The following GNA12 variants were observed in gnomAD, a reference collection of about 807,000 sequenced individuals.
GNA12 encodes G protein subunit alpha 12, also known as guanine nucleotide-binding protein subunit alpha-12.
A neutral mutation model predicts 26.0 loss-of-function variants in GNA12; 9 were observed. That is an observed-to-expected ratio of 0.35 (90% CI 0.21 to 0.60). The LOEUF is 0.60. Among genes scored for constraint, GNA12 ranks in the 20% least tolerant of loss-of-function variants. The probability of loss-of-function intolerance (pLI) is 0.78; values close to 1 mark genes in which losing one functional copy is unlikely to be tolerated. For synonymous variants in GNA12, 264 were observed against 219.6 expected (o/e 1.20, Z -1.79); for missense variants, 405 against 525.8 (o/e 0.77, Z 2.25).
intron 2 of GNA12, among the ~76,000 whole-genome samples, chr7:2,781,001 A>AT (rs1792214269): frequency 6.6e-6 from 1 of 152,252 alleles, no homozygotes; most frequent in East Asian, 1.9e-4. Context: ...GTCATCCCAC[A>AT]TCCTTGCCAA....
At chr7:2,738,605 T>C (rs1790334117) in intron 2 of GNA12, among the ~76,000 whole-genome samples, 1 of 151,792 alleles carries the variant, frequency 6.6e-6, no homozygotes. Flanking sequence ...CAGCAGCAGA[T>C]AAAAATGACT....
At chr7:2,781,343 C>A (rs1328571214) in intron 2 of GNA12, among the ~76,000 whole-genome samples, 1 of 152,036 alleles carries the variant, frequency 6.6e-6, no homozygotes, top group Non-Finnish European at 1.5e-5. Context: ...CACACACACA[C>A]ACACGCACAC....
At chr7:2,733,156 T>C (rs798527) in intron 3 of GNA12, among the ~76,000 whole-genome samples, 88,610 of 152,010 alleles carry the variant, frequency 0.58, 26,113 homozygotes, top group Admixed American at 0.63. Context: ...AGACTATTTG[T>C]TTTTGAGTAT....
intron 1 of GNA12, among the ~76,000 whole-genome samples, chr7:2,841,682 T>C (rs1418717077): frequency 6.6e-6 from 1 of 152,178 alleles, no homozygotes; most frequent in Non-Finnish European, 1.5e-5. Flanking sequence ...ATGAGAAGTA[T>C]GTCAAGTGCG....
In GNA12 at chr7:2,763,022, C is replaced by G. The variant is rs1583256664; in HGVS notation, c.526-29521G>C. The G allele has an allele frequency of 3.9e-6, 5 of 1,280,702 alleles. No individual in the cohort carries two copies. In the East Asian group the frequency reaches 1.2e-4, roughly 32 times the overall value. The allele number at this position is 1,280,702 out of a possible 1,614,324, so 79.3% of individuals were successfully genotyped here. A position where few individuals can be genotyped will look rare whatever the true frequency, so the allele number is the denominator to read the frequency against. ...TGGTCGCCAACAGCCCCGCCGGCCA[C>G]TGGCCCAGGACTCAGCGTGCCGTTC... On this transcript the variant is annotated intron_variant, in intron 2 of 3. Transcript: ENST00000275364.
At chr7:2,738,472 C>T (rs922948796) in intron 2 of GNA12, among the ~76,000 whole-genome samples, 1 of 152,176 alleles carries the variant, frequency 6.6e-6, no homozygotes, top group Non-Finnish European at 1.5e-5. Context: ...CCGATACCCA[C>T]TGCCAAAGGA....
At chr7:2,804,385 A>G (rs1318101828) in intron 1 of GNA12, among the ~76,000 whole-genome samples, 1 of 151,932 alleles carries the variant, frequency 6.6e-6, no homozygotes, top group African/African-American at 2.4e-5. Flanking sequence ...GCGTAAACCC[A>G]TAAACCCATA....
rs748113158 is a variant in GNA12 at position 2,780,048 on chromosome 7, G to GTGTATATATATATATATATATATA, written c.525+14879_525+14880insTATATATATATATATATATATACA. 1.8e-4 allele frequency among the ~76,000 whole-genome samples: 15 copies of GTGTATATATATATATATATATATA among 84,728 alleles called. 3 individuals carry two copies. Among genetic ancestry groups the GTGTATATATATATATATATATATA allele is most frequent in the Non-Finnish European group, 2.9e-4 (13 of 44,662 alleles). 55.6% of individuals were successfully genotyped at this position (84,728 alleles called of 152,430 possible). A position where few individuals can be genotyped will look rare whatever the true frequency, so the allele number is the denominator to read the frequency against. Reference sequence around the variant, plus strand: ...GTACTAGTTTTTTACACATTTCTGTGTACATATATATATATATATATATAT... The same window carrying GTGTATATATATATATATATATATA: ...GTACTAGTTTTTTACACATTTCTGTGTGTATATATATATATATATATATATACATATATATATATATATATATAT... On this transcript the variant is annotated intron_variant, in intron 2 of 3. Transcript: ENST00000275364.
intron 2 of GNA12, among the ~76,000 whole-genome samples, chr7:2,745,117 T>A (rs1790703460): frequency 6.6e-6 from 1 of 152,134 alleles, no homozygotes; most frequent in African/African-American, 2.4e-5. Context: ...CCAGGAAAAC[T>A]TCCCCAATCT....
rs1391789639 is a variant in GNA12 at position 2,728,716 on chromosome 7, A to G, written c.*2465T>C. 4 of 147,414 alleles carry G rather than the reference A, an allele frequency of 2.7e-5. No homozygotes were observed. Among genetic ancestry groups the G allele is most frequent in the African/African-American group, 7.4e-5 (3 of 40,310 alleles). The allele number at this position is 147,414 out of a possible 1,614,324, so 9.1% of individuals were successfully genotyped here. ...AGGTTCTGGAGACAAAACTGACTAG[A>G]GTCTATGTGTAGCCAAGTTGTGAAT... On this transcript the variant is annotated 3_prime_UTR_variant, in exon 4 of 4. Transcript: ENST00000275364.
At chr7:2,819,476 C>T (rs1793297776) in intron 1 of GNA12, among the ~76,000 whole-genome samples, 1 of 152,170 alleles carries the variant, frequency 6.6e-6, no homozygotes, top group Non-Finnish European at 1.5e-5. Flanking sequence ...AAAACCAAAA[C>T]AGCTGTGGAG....
At chr7:2,842,005 G>GAGGGAGGGAGGAAAGAAGAA (rs74208620) in intron 1 of GNA12, among the ~76,000 whole-genome samples, 1 of 148,500 alleles carries the variant, frequency 6.7e-6, no homozygotes, top group African/African-American at 2.5e-5. Context: ...GAGAGGTAGG[G>GAGGGAGGGAGGAAAGAAGAA]AGGGAGGGAG....
intron 2 of GNA12, among the ~76,000 whole-genome samples, chr7:2,744,181 C>T (rs798508): frequency 6.6e-6 from 1 of 152,054 alleles, no homozygotes; most frequent in Non-Finnish European, 1.5e-5. Flanking sequence ...AGTGGTTCTC[C>T]CAGCACGCAG....
At chr7:2,733,655 A>G (rs903369662) in intron 2 of GNA12, among the ~76,000 whole-genome samples, 154 bp from the exon 3 acceptor site, 1 of 152,244 alleles carries the variant, frequency 6.6e-6, no homozygotes, top group South Asian at 2.1e-4. Flanking sequence ...TGTGTTTTCT[A>G]AAATAAAAAA....
chr7:2,816,157 T>A (rs1272254587), intron 1 of GNA12, among the ~76,000 whole-genome samples: 1 of 151,988 alleles, frequency 6.6e-6, no homozygotes, highest in Non-Finnish European at 1.5e-5. Flanking sequence ...GCAATTATGG[T>A]AAGTAATGTG....
intron 2 of GNA12, among the ~76,000 whole-genome samples, chr7:2,740,157 CA>C (rs1790426334): frequency 6.6e-6 from 1 of 152,008 alleles, no homozygotes; most frequent in Admixed American, 6.5e-5. Flanking sequence ...AATGGCACTC[CA>C]GTGTGATCTT....
At position 2,741,828 on chromosome 7, in the gene GNA12, G is replaced by A. The variant is rs1027625949; in HGVS notation, c.526-8327C>T. ...ACTTCAGGTGCTGCTTCAGGAGAAC[G>A]CCGCAAGGATAAGAGTATTCATCTA... On this transcript the variant is annotated intron_variant, in intron 2 of 3. Coordinates refer to ENST00000275364, the MANE Select transcript of GNA12 (RefSeq NM_007353.3). Among the ~76,000 whole-genome samples, 44 of 150,662 alleles carry A rather than the reference G, an allele frequency of 2.9e-4. 1 individual carries two copies. The highest frequency in any genetic ancestry group is 6.4e-4 in the South Asian group (3 of 4,718).
intron 2 of GNA12, among the ~76,000 whole-genome samples, chr7:2,788,611 G>A (rs1792426760): frequency 1.3e-5 from 2 of 152,224 alleles, no homozygotes; most frequent in Admixed American, 1.3e-4. Context: ...CTACCGGCCT[G>A]CTCACAGGCC....
intron 1 of GNA12, chr7:2,835,870 C>T: frequency 1.7e-6 from 1 of 590,064 alleles, no homozygotes; most frequent in Middle Eastern, 5.0e-4. Flanking sequence ...AGAAGAAACA[C>T]AGGAAATGTT....
Sources: allele counts gnomAD v4.1 joint callset (sites outside exome capture counted in the v4.1 genomes callset), GRCh38; gene constraint gnomAD v4.1.1; transcripts MANE v1.5; gene names NCBI Gene and HGNC (gene_info 2026-07-23, HGNC 2026-07-21).